TYR: variants seen among roughly 807,000 people sequenced by gnomAD.
The protein encoded by TYR is LB24-AB.
Under a neutral mutation model 51.5 loss-of-function variants are expected in TYR, and 58 were observed. That is an observed-to-expected ratio of 1.13 (90% CI 0.91 to 1.40). The LOEUF (loss-of-function observed/expected upper bound fraction) is 1.40, where lower values mean the gene tolerates loss of function less well. Ranked by LOEUF, TYR falls within the 40% of genes most tolerant of loss-of-function variation. TYR has a pLI of 0.00. For missense variants in TYR, 732 were observed against 647.4 expected, an observed-to-expected ratio of 1.13 and a Z score of -1.42; for synonymous variants, 263 against 235.2, an observed-to-expected ratio of 1.12 and a Z score of -1.08.
rs1002941231 is a variant in TYR at position 89,231,515 on chromosome 11, T to C, written c.1184+3545T>C. Among the ~76,000 whole-genome samples, 3 of 142,924 alleles carry C rather than the reference T, an allele frequency of 2.1e-5. 1 individual carries two copies. The highest frequency in any genetic ancestry group is 2.3e-4 in the South Asian group (1 of 4,362). 93.8% of individuals were successfully genotyped at this position (142,924 alleles called of 152,430 possible). A position where few individuals can be genotyped will look rare whatever the true frequency, so the allele number is the denominator to read the frequency against. On this transcript the variant is annotated intron_variant, in intron 3 of 4. Coordinates refer to ENST00000263321, the MANE Select transcript of TYR (RefSeq NM_000372.5). ...CAACACGGATGAACCTGGAGTTTAG[T>C]ATGTGAAATAAAATGAGTCAGACAC...
rs183672734 is a variant in TYR, at chr11:89,287,081, C to T, written c.1366+2127C>T. Among the ~76,000 whole-genome samples the T allele has an allele frequency of 7.2e-5, 11 of 151,908 alleles. No individual in the cohort carries two copies. The East Asian group carries it at 7.8e-4, about 11-fold the overall frequency. ...TTATACTTATAGTGATGTTTACTCA[C>T]GCCTTTCTCATAGTTACATAGCATT... On this transcript the variant is annotated intron_variant, in intron 4 of 4. Transcript: ENST00000263321.
At chr11:89,290,589 C>A (rs1162966173) in intron 4 of TYR, among the ~76,000 whole-genome samples, 1 of 151,970 alleles carries the variant, frequency 6.6e-6, no homozygotes. Flanking sequence ...AAAACAGTAA[C>A]TTTCAAGGTC....
chr11:89,188,019 G>A (rs936163264), intron 1 of TYR, among the ~76,000 whole-genome samples: 10 of 150,302 alleles, frequency 6.7e-5, no homozygotes, highest in African/African-American at 1.9e-4. Flanking sequence ...AGTGTGTGTG[G>A]TGAGACAGTA....
At chr11:89,190,930 T>C (rs1449836117) in intron 1 of TYR, among the ~76,000 whole-genome samples, 2 of 152,190 alleles carry the variant, frequency 1.3e-5, no homozygotes, top group Non-Finnish European at 2.9e-5. Context: ...ATTTGTAGCC[T>C]AGGAGCAGTA....
intron 1 of TYR, among the ~76,000 whole-genome samples, chr11:89,180,555 A>G (rs1311560802): frequency 6.7e-6 from 1 of 149,402 alleles, no homozygotes; most frequent in Non-Finnish European, 1.5e-5. Flanking sequence ...ACTCTCTAGA[A>G]AAAAAAAAAA....
intron 4 of TYR, among the ~76,000 whole-genome samples, chr11:89,289,278 G>A (rs12363772): frequency 0.22 from 32,948 of 151,942 alleles, 4,531 homozygotes; most frequent in Non-Finnish European, 0.31. Context: ...TAACTGCAGT[G>A]CCCCATTCTG....
At chr11:89,186,878 A>G (rs1943380679) in intron 1 of TYR, among the ~76,000 whole-genome samples, 1 of 152,172 alleles carries the variant, frequency 6.6e-6, no homozygotes, top group Admixed American at 6.5e-5. Flanking sequence ...AAAAAGACAG[A>G]GCCATCTCTT....
intron 3 of TYR, among the ~76,000 whole-genome samples, chr11:89,249,735 G>A (rs557876123): frequency 6.6e-6 from 1 of 151,964 alleles, no homozygotes; most frequent in Non-Finnish European, 1.5e-5. Context: ...GAGGATTTGA[G>A]ATTTCCTTTT....
chr11:89,273,720 T>C (rs1372696980), intron 3 of TYR, among the ~76,000 whole-genome samples: 2 of 151,896 alleles, frequency 1.3e-5, no homozygotes, highest in Admixed American at 6.6e-5. Context: ...GTATACCTGT[T>C]CCACAGACTG....
At chr11:89,252,416 G>T (rs539431046) in intron 3 of TYR, among the ~76,000 whole-genome samples, 1 of 151,602 alleles carries the variant, frequency 6.6e-6, no homozygotes, top group Non-Finnish European at 1.5e-5. Context: ...CCATAATGGG[G>T]CAGAAATGAA....
At chr11:89,279,545 C>A (rs1229820192) in intron 3 of TYR, among the ~76,000 whole-genome samples, 1 of 151,676 alleles carries the variant, frequency 6.6e-6, no homozygotes, top group Non-Finnish European at 1.5e-5. Context: ...AAACAATTTT[C>A]CCTGGGTCTT....
chr11:89,179,476 C>T (rs1308550357), intron 1 of TYR, among the ~76,000 whole-genome samples: 1 of 152,076 alleles, frequency 6.6e-6, no homozygotes. Context: ...ATTTCATGCT[C>T]TTATCAGTCT....
intron 2 of TYR, among the ~76,000 whole-genome samples, chr11:89,199,112 G>A (rs1040528584): frequency 6.6e-6 from 1 of 152,066 alleles, no homozygotes; most frequent in African/African-American, 2.4e-5. Context: ...ATGGCTGCAT[G>A]GTATTCCATG....
In TYR at chr11:89,267,474, T is replaced by C. The variant is rs1342419789; in HGVS notation, c.1185-17299T>C. On this transcript the variant is annotated intron_variant, in intron 3 of 4. Transcript: ENST00000263321. ...GAAGGACTCTGCTTTCTGAAGCTTT[T>C]CATCTCCCATTTTACTACATACATT... Among the ~76,000 whole-genome samples the C allele has an allele frequency of 3.3e-5, 5 of 152,118 alleles. No homozygotes were observed. In the East Asian group the frequency reaches 9.7e-4, roughly 30 times the overall value.
chr11:89,241,254 A>G (rs1944189647), intron 3 of TYR, among the ~76,000 whole-genome samples: 1 of 152,156 alleles, frequency 6.6e-6, no homozygotes, highest in African/African-American at 2.4e-5. Flanking sequence ...ACTTCTACAG[A>G]TGTGACCTGC....
At position 89,177,997 on chromosome 11, in the gene TYR, C is replaced by A; in HGVS notation, c.44C>A (p.Thr15Asn). ...VLYCLLWSFQ[T>N]SAGHFPRACV... is the part of the protein sequence containing the mutation. ...TACTGCCTGCTGTGGAGTTTCCAGACCTCCGCTGGCCATTTCCCTAGAGCC... is the reference window on the plus strand; with the variant it reads ...TACTGCCTGCTGTGGAGTTTCCAGAACTCCGCTGGCCATTTCCCTAGAGCC... The change falls in exon 1 of 5, where the codon ACC (threonine) becomes AAC (asparagine). Residue 15 changes from threonine to asparagine, a missense_variant. By Grantham distance (65) the Thr-to-Asn change is moderately conservative (BLOSUM62 0). Transcript: ENST00000263321. The A allele has an allele frequency of 1.2e-6, 2 of 1,614,182 alleles. No homozygotes were observed. Among genetic ancestry groups the A allele is most frequent in the Non-Finnish European group, 1.7e-6 (2 of 1,180,024 alleles).
intron 2 of TYR, among the ~76,000 whole-genome samples, chr11:89,211,684 C>G (rs1433980584): frequency 1.3e-5 from 2 of 152,000 alleles, no homozygotes; most frequent in Non-Finnish European, 2.9e-5. Flanking sequence ...GTAAAATTGA[C>G]CACATAATTG....
chr11:89,293,712 C>A, intron 4 of TYR: 1 of 164,282 alleles, frequency 6.1e-6, no homozygotes. Flanking sequence ...AAAGCCAAGA[C>A]CCAGATATAT....
intron 3 of TYR, among the ~76,000 whole-genome samples, chr11:89,235,226 G>T (rs1944095847): frequency 6.6e-6 from 1 of 152,114 alleles, no homozygotes; most frequent in African/African-American, 2.4e-5. Flanking sequence ...GCACATTTTT[G>T]GGTGGGAATG....
Sources: allele counts gnomAD v4.1 joint callset (sites outside exome capture counted in the v4.1 genomes callset), GRCh38; gene constraint gnomAD v4.1.1; transcripts MANE v1.5; gene names NCBI Gene and HGNC (gene_info 2026-07-23, HGNC 2026-07-21).